SGMS1: variants seen among roughly 807,000 people sequenced by gnomAD.
SGMS1 encodes phosphatidylcholine:ceramide cholinephosphotransferase 1.
Under a neutral mutation model 46.2 loss-of-function variants are expected in SGMS1, and 13 were observed. The ratio of observed to expected loss-of-function variants is 0.28; its 90% CI spans 0.18 to 0.45. The LOEUF (loss-of-function observed/expected upper bound fraction) is 0.45, where lower values mean the gene tolerates loss of function less well. SGMS1 is among the 20% of genes least tolerant of loss of function. The probability of loss-of-function intolerance (pLI) is 1.00; values close to 1 mark genes in which losing one functional copy is unlikely to be tolerated. For missense variants in SGMS1, 324 were observed against 519.9 expected (o/e 0.62, Z 3.66); for synonymous variants, 203 against 187.8 (o/e 1.08, Z -0.66).
In SGMS1 at chr10:50,313,403, A is replaced by C. The variant is rs2574979; in HGVS notation, c.742-1988T>G. On this transcript the variant is annotated intron_variant, in intron 8 of 10. Coordinates refer to ENST00000361781, the MANE Select transcript of SGMS1 (RefSeq NM_147156.4). Reference sequence around the variant, plus strand: ...AATCTAAAAAAAAGAGTGAATGACAAAGAGTTAAATACCACAAGGTTCAGC... The same window carrying C: ...AATCTAAAAAAAAGAGTGAATGACACAGAGTTAAATACCACAAGGTTCAGC... Among the ~76,000 whole-genome samples the C allele has an allele frequency of 8.9e-3, 1,359 of 152,142 alleles. 15 individuals carry two copies. The highest frequency in any genetic ancestry group is 0.031 in the African/African-American group (1,274 of 41,508).
intron 5 of SGMS1, among the ~76,000 whole-genome samples, chr10:50,439,842 C>T (rs1300919161): frequency 6.6e-6 from 1 of 152,150 alleles, no homozygotes; most frequent in Non-Finnish European, 1.5e-5. Flanking sequence ...GGCACAGAAA[C>T]TTGTGCAAGG....
intron 3 of SGMS1, among the ~76,000 whole-genome samples, chr10:50,468,886 C>T (rs1433061485): frequency 8.5e-5 from 13 of 152,176 alleles, no homozygotes; most frequent in African/African-American, 2.4e-5. Context: ...CTGGTGAACA[C>T]AAAGTAGTAT....
intron 6 of SGMS1, among the ~76,000 whole-genome samples, chr10:50,417,677 G>T (rs1194891561): frequency 1.3e-5 from 2 of 152,174 alleles, no homozygotes; most frequent in African/African-American, 4.8e-5. Context: ...GTTTGAGAAA[G>T]TGAGTACTTC....
chr10:50,437,473 C>T (rs1564913445), intron 5 of SGMS1, among the ~76,000 whole-genome samples: 1 of 152,192 alleles, frequency 6.6e-6, no homozygotes, highest in Non-Finnish European at 1.5e-5. Context: ...TTCAAGCCCA[C>T]GCAGTCTAGC....
At chr10:50,566,878 C>T (rs1021552042) in intron 2 of SGMS1, among the ~76,000 whole-genome samples, 1 of 152,200 alleles carries the variant, frequency 6.6e-6, no homozygotes, top group Admixed American at 6.5e-5. Flanking sequence ...TCAATCCTAA[C>T]ACAACGAAAA....
chr10:50,359,424 G>A (rs567524277), intron 6 of SGMS1, among the ~76,000 whole-genome samples: 1 of 152,256 alleles, frequency 6.6e-6, no homozygotes, highest in African/African-American at 2.4e-5. Context: ...GAAGAAAAGA[G>A]AGAATTTGGG....
At chr10:50,416,498 T>C (rs756096729) in intron 6 of SGMS1, among the ~76,000 whole-genome samples, 1 of 152,196 alleles carries the variant, frequency 6.6e-6, no homozygotes, top group Non-Finnish European at 1.5e-5. Context: ...AATTTAATTA[T>C]CTCTTTGGAT....
chr10:50,567,109 G>A (rs2131850805), intron 2 of SGMS1, among the ~76,000 whole-genome samples: 1 of 152,224 alleles, frequency 6.6e-6, no homozygotes, highest in East Asian at 1.9e-4. Context: ...ACTACGCTCA[G>A]CTAATTTTTG....
intron 8 of SGMS1, among the ~76,000 whole-genome samples, chr10:50,322,838 CAAAA>C (rs58049533): frequency 6.0e-4 from 31 of 51,318 alleles, no homozygotes; most frequent in African/African-American, 1.8e-3. Flanking sequence ...GACTCCGTCT[CAAAA>C]AAAAAAAAAA....
intron 2 of SGMS1, among the ~76,000 whole-genome samples, chr10:50,523,654 C>G (rs1179946313): frequency 1.3e-5 from 2 of 152,212 alleles, no homozygotes; most frequent in African/African-American, 4.8e-5. Context: ...AGAAAAGAAT[C>G]CTTTTCATAT....
chr10:50,536,692 T>C (rs962254626), intron 2 of SGMS1, among the ~76,000 whole-genome samples: 2 of 152,254 alleles, frequency 1.3e-5, no homozygotes, highest in African/African-American at 4.8e-5. Flanking sequence ...AGTTTCCTTA[T>C]TGAAATCTTA....
At chr10:50,362,633 G>A (rs1848268088) in intron 6 of SGMS1, among the ~76,000 whole-genome samples, 1 of 152,182 alleles carries the variant, frequency 6.6e-6, no homozygotes, top group Admixed American at 6.5e-5. Context: ...CTGAGGATGA[G>A]CAAATAATTG....
intron 3 of SGMS1, among the ~76,000 whole-genome samples, chr10:50,509,164 G>T (rs568895888): frequency 6.6e-6 from 1 of 152,264 alleles, no homozygotes; most frequent in Middle Eastern, 3.4e-3. Context: ...TGTCCCAAAA[G>T]GATAGAAGTT....
intron 6 of SGMS1, among the ~76,000 whole-genome samples, chr10:50,425,892 A>G (rs1021279367): frequency 2.6e-5 from 4 of 152,244 alleles, no homozygotes; most frequent in Non-Finnish European, 5.9e-5. Context: ...GGCAATGTGT[A>G]TGAAAAGAAA....
At chr10:50,369,258 GT>G in intron 6 of SGMS1, among the ~76,000 whole-genome samples, 1 of 152,210 alleles carries the variant, frequency 6.6e-6, no homozygotes, top group Non-Finnish European at 1.5e-5. Flanking sequence ...AACACTTTGG[GT>G]GGCCAAAGCA....
intron 3 of SGMS1, among the ~76,000 whole-genome samples, chr10:50,519,218 C>T (rs996553323): frequency 2.0e-5 from 3 of 152,118 alleles, no homozygotes; most frequent in African/African-American, 7.2e-5. Context: ...TACACAGACA[C>T]AGAAATAGAA....
At chr10:50,503,920 TAGA>T (rs1837683166) in intron 3 of SGMS1, among the ~76,000 whole-genome samples, 1 of 152,180 alleles carries the variant, frequency 6.6e-6, no homozygotes, top group Admixed American at 6.5e-5. Flanking sequence ...ATCAAGATCG[TAGA>T]AGTTTTGTAC....
intron 2 of SGMS1, among the ~76,000 whole-genome samples, chr10:50,572,575 A>G (rs560499804): frequency 6.6e-6 from 1 of 152,276 alleles, no homozygotes; most frequent in African/African-American, 2.4e-5. Flanking sequence ...CCCAGCAGCT[A>G]CACAATCATC....
intron 5 of SGMS1, among the ~76,000 whole-genome samples, chr10:50,439,488 A>G (rs1849514936): frequency 6.6e-6 from 1 of 152,156 alleles, no homozygotes; most frequent in Admixed American, 6.5e-5. Flanking sequence ...TCAGCAGCAC[A>G]ATGCGGGCCT....
Sources: gnomAD v4.1 joint callset for allele counts (sites outside exome capture counted in the v4.1 genomes callset) on GRCh38, gnomAD v4.1.1 for gene constraint, MANE v1.5 for transcripts, NCBI Gene and HGNC (gene_info 2026-07-23, HGNC 2026-07-21) for gene names.